Variants in CTNNA2 observed in about 807,000 individuals in gnomAD.
CTNNA2 encodes catenin alpha-2.
A neutral mutation model predicts 101.0 loss-of-function variants in CTNNA2; 42 were observed. The ratio of observed to expected loss-of-function variants is 0.42; its 90% CI spans 0.32 to 0.54. The LOEUF (loss-of-function observed/expected upper bound fraction) is 0.54, where lower values mean the gene tolerates loss of function less well. Ranked by LOEUF, CTNNA2 falls within the 20% of genes least tolerant of loss-of-function variation. CTNNA2 has a pLI of 0.14. For missense variants in CTNNA2, 871 were observed against 1,223.1 expected, an observed-to-expected ratio of 0.71 and a Z score of 4.29; for synonymous variants, 450 against 456.4, an observed-to-expected ratio of 0.99 and a Z score of 0.18.
At chr2:79,857,545 T>C (rs1326665534) in intron 3 of CTNNA2, among the ~76,000 whole-genome samples, 1 of 152,200 alleles carries the variant, frequency 6.6e-6, no homozygotes, top group African/African-American at 2.4e-5. Context: ...TGATGTGTTC[T>C]TGTCTGATTA....
chr2:80,487,159 T>C (rs1021403618), intron 9 of CTNNA2, among the ~76,000 whole-genome samples: 1 of 151,438 alleles, frequency 6.6e-6, no homozygotes. Context: ...TGCACACCTG[T>C]AATCCCAGCT....
At chr2:80,624,345 AT>A (rs1381995423) in intron 18 of CTNNA2, among the ~76,000 whole-genome samples, 2 of 151,984 alleles carry the variant, frequency 1.3e-5, no homozygotes, top group African/African-American at 4.8e-5. Flanking sequence ...AATGTTAATT[AT>A]GTATGTTTAA....
At chr2:79,296,336 C>A (rs1211852682) in intron 2 of CTNNA2, among the ~76,000 whole-genome samples, 3 of 152,148 alleles carry the variant, frequency 2.0e-5, no homozygotes, top group African/African-American at 7.2e-5. Flanking sequence ...TTTAACTTTG[C>A]AAACTTTTCA....
intron 7 of CTNNA2, among the ~76,000 whole-genome samples, chr2:80,217,228 A>G (rs1708324743): frequency 6.6e-6 from 1 of 152,136 alleles, no homozygotes; most frequent in African/African-American, 2.4e-5. Flanking sequence ...TGGTTGGCAT[A>G]TATATATTGC....
At chr2:80,357,226 A>G (rs1462604448) in intron 7 of CTNNA2, among the ~76,000 whole-genome samples, 1 of 138,778 alleles carries the variant, frequency 7.2e-6, no homozygotes, top group Non-Finnish European at 1.6e-5. Flanking sequence ...CATTCAAAAT[A>G]GCATTTTTTT....
chr2:79,287,955 C>T (rs1010993695), intron 2 of CTNNA2, among the ~76,000 whole-genome samples: 9 of 152,242 alleles, frequency 5.9e-5, no homozygotes, highest in African/African-American at 2.2e-4. Context: ...TCCTGATGCG[C>T]TGTTTTTTAA....
At chr2:79,300,409 A>C (rs1242176811) in intron 2 of CTNNA2, among the ~76,000 whole-genome samples, 1 of 152,228 alleles carries the variant, frequency 6.6e-6, no homozygotes, top group Admixed American at 6.5e-5. Flanking sequence ...TTTTAACAAT[A>C]GACCATAGAA....
intron 1 of CTNNA2, among the ~76,000 whole-genome samples, chr2:79,644,464 T>C (rs990066234): frequency 6.6e-6 from 1 of 152,198 alleles, no homozygotes; most frequent in African/African-American, 2.4e-5. Context: ...CCCTTGATCA[T>C]GTAATGTAAG....
intron 7 of CTNNA2, among the ~76,000 whole-genome samples, chr2:80,076,093 T>C (rs1345038988): frequency 6.6e-6 from 1 of 151,920 alleles, no homozygotes; most frequent in Non-Finnish European, 1.5e-5. Context: ...TCAAGCCCTC[T>C]TTTCAAAAAG....
intron 3 of CTNNA2, among the ~76,000 whole-genome samples, chr2:79,314,911 T>G (rs1676461917): frequency 6.6e-6 from 1 of 152,220 alleles, no homozygotes; most frequent in Non-Finnish European, 1.5e-5. Context: ...GCAGACTTCT[T>G]GCACTGATCC....
intron 7 of CTNNA2, among the ~76,000 whole-genome samples, chr2:80,275,164 G>A (rs1673796248): frequency 6.6e-6 from 1 of 152,050 alleles, no homozygotes; most frequent in Non-Finnish European, 1.5e-5. Flanking sequence ...GTGACCTCTT[G>A]GTCACATGAA....
intron 3 of CTNNA2, among the ~76,000 whole-genome samples, chr2:79,359,991 T>G (rs973921230): frequency 4.6e-5 from 7 of 152,184 alleles, no homozygotes; most frequent in African/African-American, 1.7e-4. Context: ...TAATTTAGAA[T>G]TTATCTAGTT....
chr2:79,510,924 A>T (rs1174737987), upstream of CTNNA2, among the ~76,000 whole-genome samples: 1 of 152,214 alleles, frequency 6.6e-6, no homozygotes. Flanking sequence ...GGTCTACATT[A>T]TTTAATTGCA....
intron 4 of CTNNA2, among the ~76,000 whole-genome samples, chr2:79,423,431 T>C (rs1200884982): frequency 1.3e-5 from 2 of 152,196 alleles, no homozygotes; most frequent in East Asian, 3.9e-4. Flanking sequence ...AAGTGAGATA[T>C]AATAAAATAT....
chr2:79,483,632 G>A (rs1340272426), intron 4 of CTNNA2, among the ~76,000 whole-genome samples: 2 of 152,150 alleles, frequency 1.3e-5, no homozygotes, highest in African/African-American at 4.8e-5. Flanking sequence ...TCATAGCTTA[G>A]CTCCATTAAA....
At chr2:80,061,814 A>G (rs1215722830) in intron 7 of CTNNA2, among the ~76,000 whole-genome samples, 1 of 152,206 alleles carries the variant, frequency 6.6e-6, no homozygotes, top group Non-Finnish European at 1.5e-5. Flanking sequence ...CACTCAATGT[A>G]TTTTATAGAT....
intron 2 of CTNNA2, among the ~76,000 whole-genome samples, chr2:79,240,757 A>G (rs934120328): frequency 1.3e-5 from 2 of 152,166 alleles, no homozygotes; most frequent in African/African-American, 4.8e-5. Flanking sequence ...TTTAGGGGCA[A>G]TGAGGTTTCT....
At position 79,989,460 on chromosome 2, in the gene CTNNA2, C is replaced by T. The variant is rs62139631; in HGVS notation, c.1056+79663C>T. Among the ~76,000 whole-genome samples, 270 of 151,568 alleles carry T rather than the reference C, an allele frequency of 1.8e-3. 1 individual carries two copies. The highest frequency in any genetic ancestry group is 6.8e-3 in the Middle Eastern group (2 of 294). On this transcript the variant is annotated intron_variant, in intron 7 of 18. Coordinates refer to ENST00000402739, the MANE Select transcript of CTNNA2 (RefSeq NM_001282597.3). ...CAACATGGTGAAAATCCCGTCTATA[C>T]AAAAACAAACAAACAAACAAAAAAA... is the stretch of plus-strand genomic sequence containing the variant.
chr2:80,334,414 C>T (rs1671603894), intron 7 of CTNNA2, among the ~76,000 whole-genome samples: 1 of 152,170 alleles, frequency 6.6e-6, no homozygotes, highest in Non-Finnish European at 1.5e-5. Flanking sequence ...TTCCTTTCTT[C>T]TGGCCATGTG....
Sources: allele counts gnomAD v4.1 joint callset (sites outside exome capture counted in the v4.1 genomes callset), GRCh38; gene constraint gnomAD v4.1.1; transcripts MANE v1.5; gene names NCBI Gene and HGNC (gene_info 2026-07-23, HGNC 2026-07-21).